Variants in NRG1 observed in about 807,000 individuals in gnomAD.
NRG1 encodes the protein pro-neuregulin-1, membrane-bound isoform.
Under a neutral mutation model 63.8 loss-of-function variants are expected in NRG1, and 18 were observed. That is an observed-to-expected ratio of 0.28 (90% confidence interval 0.19 to 0.42). The LOEUF is 0.42. NRG1 is among the 10% of genes least tolerant of loss of function. The pLI, the probability that NRG1 is intolerant of heterozygous loss-of-function variation, is 1.00. For missense variants in NRG1, 762 were observed against 814.7 expected, an observed-to-expected ratio of 0.94 and a Z score of 0.79; for synonymous variants, 302 against 301.3, an observed-to-expected ratio of 1.00 and a Z score of -0.02.
At chr8:32,661,331 G>C (rs1218548711) in intron 5 of NRG1, among the ~76,000 whole-genome samples, 1 of 152,172 alleles carries the variant, frequency 6.6e-6, no homozygotes, top group Non-Finnish European at 1.5e-5. Flanking sequence ...ATTTTACCAA[G>C]ACAGAAATCT....
chr8:32,329,839 C>A (rs528592209), intron 1 of NRG1, among the ~76,000 whole-genome samples: 7 of 141,940 alleles, frequency 4.9e-5, no homozygotes, highest in Admixed American at 2.1e-4. Context: ...AGCAAAACCA[C>A]AACCTTTAGG....
At chr8:32,544,741 T>C (rs1219341999), upstream of NRG1, among the ~76,000 whole-genome samples, 2 of 147,046 alleles carry the variant, frequency 1.4e-5, no homozygotes, top group Non-Finnish European at 3.0e-5. Context: ...CAGGCTGGTC[T>C]TGAACTCCTG....
Position 32,731,769 on chromosome 8 carries a change from A to T in NRG1, c.632+3691A>T, listed in dbSNP as rs1178030218. On this transcript the variant is annotated intron_variant, in intron 6 of 11. Transcript: ENST00000356819. ...GACCACTTGAATAGAAACAGAAGAC[A>T]TAAAAATATTGCATTGGCTCATCAT... Among the ~76,000 whole-genome samples, 4 of 152,244 alleles carry T rather than the reference A, an allele frequency of 2.6e-5. No individual in the cohort carries two copies. In the East Asian group the frequency reaches 7.7e-4, roughly 29 times the overall value.
intron 1 of NRG1, among the ~76,000 whole-genome samples, chr8:32,213,070 A>C (rs1255399873): frequency 6.6e-6 from 1 of 152,200 alleles, no homozygotes; most frequent in Non-Finnish European, 1.5e-5. Context: ...GTGATTGGCT[A>C]TTCAGGTTTT....
intron 5 of NRG1, among the ~76,000 whole-genome samples, chr8:32,643,699 G>A (rs1326252152): frequency 6.6e-6 from 1 of 152,172 alleles, no homozygotes; most frequent in African/African-American, 2.4e-5. Flanking sequence ...GAAAGTCCTG[G>A]AATGAGACCA....
rs987205840 is a variant in NRG1, at chr8:32,572,419, T to A, written c.101-23409T>A. Among the ~76,000 whole-genome samples the A allele has an allele frequency of 3.9e-5, 6 of 152,288 alleles. No individual in the cohort carries two copies. In the South Asian group the frequency reaches 1.0e-3, roughly 26 times the overall value. On this transcript the variant is annotated intron_variant, in intron 1 of 11. Coordinates refer to ENST00000356819, the Ensembl canonical transcript of NRG1. ...TATCATTTAAAATTTCTTCTATTGT[T>A]ACTATACACATTTGATTTATTAAGC...
At chr8:32,412,043 T>C (rs941729101) in intron 1 of NRG1, among the ~76,000 whole-genome samples, 3 of 152,010 alleles carry the variant, frequency 2.0e-5, no homozygotes, top group East Asian at 1.9e-4. Flanking sequence ...AACTGGTAGA[T>C]TGAGAAAAGC....
At chr8:32,172,313 C>T (rs1007982372) in intron 1 of NRG1, among the ~76,000 whole-genome samples, 1 of 152,202 alleles carries the variant, frequency 6.6e-6, no homozygotes, top group Non-Finnish European at 1.5e-5. Flanking sequence ...AACTAACAAA[C>T]AGAAAGGACA....
chr8:32,772,074 T>A (rs867788684), downstream of NRG1, among the ~76,000 whole-genome samples: 373 of 88,286 alleles, frequency 4.2e-3, 26 homozygotes, highest in South Asian at 0.01. Context: ...TATATATATA[T>A]ATATATATAT....
chr8:32,666,095 C>T (rs1804090961), intron 5 of NRG1, among the ~76,000 whole-genome samples: 1 of 152,170 alleles, frequency 6.6e-6, no homozygotes, highest in African/African-American at 2.4e-5. Flanking sequence ...TGCATTTGCA[C>T]CCAGATTCCT....
intron 5 of NRG1, among the ~76,000 whole-genome samples, chr8:32,651,573 C>T (rs1369443743): frequency 6.6e-6 from 1 of 152,072 alleles, no homozygotes; most frequent in Non-Finnish European, 1.5e-5. Context: ...GATATGAGAT[C>T]CTCCCTGCTT....
chr8:32,411,579 C>G (rs1438114389), intron 1 of NRG1, among the ~76,000 whole-genome samples: 2 of 152,136 alleles, frequency 1.3e-5, no homozygotes, highest in Non-Finnish European at 2.9e-5. Flanking sequence ...TTGTGTGCTC[C>G]ATAATTGACC....
chr8:31,639,711 G>C lies in NRG1; in HGVS notation c.37+280G>C, dbSNP rs1304114917. 4.3e-6 allele frequency: 6 copies of C among 1,380,578 alleles called. No individual in the cohort carries two copies. The African/African-American group carries it at 7.6e-5, about 18-fold the overall frequency. The allele number at this position is 1,380,578 out of a possible 1,614,324, so 85.5% of individuals were successfully genotyped here. On this transcript the variant is annotated intron_variant, in intron 1 of 10. Coordinates refer to the NRG1 transcript ENST00000519301. Reference sequence around the variant, plus strand: ...GGGGGACCTGTCACTCCCTGTAACTGAGGCGGCGGCAGCGGTTTTTTTGCC... The same window carrying C: ...GGGGGACCTGTCACTCCCTGTAACTCAGGCGGCGGCAGCGGTTTTTTTGCC...
chr8:32,047,951 T>G (rs1821278118), intron 1 of NRG1, among the ~76,000 whole-genome samples: 1 of 152,036 alleles, frequency 6.6e-6, no homozygotes, highest in Non-Finnish European at 1.5e-5. Context: ...TGTTCTCTCC[T>G]ATGAGATCAG....
chr8:32,486,094 G>A (rs1825862401), intron 1 of NRG1, among the ~76,000 whole-genome samples: 1 of 151,832 alleles, frequency 6.6e-6, no homozygotes, highest in South Asian at 2.1e-4. Context: ...CCCCATGCCT[G>A]GCTAATTTTT....
chr8:31,747,085 A>C (rs1032780390), intron 1 of NRG1, among the ~76,000 whole-genome samples: 3 of 151,898 alleles, frequency 2.0e-5, no homozygotes, highest in Non-Finnish European at 4.4e-5. Context: ...GAAAGAATGC[A>C]TAAGACCTAC....
intron 1 of NRG1, among the ~76,000 whole-genome samples, chr8:32,284,616 G>A (rs986947476): frequency 2.8e-4 from 42 of 151,688 alleles, no homozygotes; most frequent in African/African-American, 9.7e-4. Flanking sequence ...CAGCAGCCTC[G>A]GCCTTCCAGG....
chr8:32,138,727 T>A (rs1023469415), intron 1 of NRG1, among the ~76,000 whole-genome samples: 1 of 152,042 alleles, frequency 6.6e-6, no homozygotes, highest in South Asian at 2.1e-4. Flanking sequence ...CAAGCGCAGC[T>A]AACTTTCTTG....
intron 1 of NRG1, among the ~76,000 whole-genome samples, chr8:31,863,795 C>T (rs987086756): frequency 2.0e-5 from 3 of 152,198 alleles, no homozygotes; most frequent in African/African-American, 7.2e-5. Flanking sequence ...CTCCCTTCCT[C>T]TCTGCCATTA....
Sources: gnomAD v4.1 joint callset for allele counts (sites outside exome capture counted in the v4.1 genomes callset) on GRCh38, gnomAD v4.1.1 for gene constraint, MANE v1.5 for transcripts, NCBI Gene and HGNC (gene_info 2026-07-23, HGNC 2026-07-21) for gene names.